LRRC4C: variants seen among roughly 807,000 people sequenced by gnomAD.
LRRC4C encodes leucine-rich repeat-containing protein 4C.
In LRRC4C, 5 loss-of-function variants were observed where a neutral mutation model predicts 33.6. That is an observed-to-expected ratio of 0.15 (90% CI 0.08 to 0.31). LRRC4C has a LOEUF of 0.31. Among genes scored for constraint, LRRC4C ranks in the 10% least tolerant of loss-of-function variants. LRRC4C has a pLI of 1.00. For synonymous variants in LRRC4C, 329 were observed against 302.0 expected (o/e 1.09, Z -0.93); for missense variants, 560 against 796.7 (o/e 0.70, Z 3.58).
At chr11:40,898,524 C>T (rs921560313) in intron 2 of LRRC4C, among the ~76,000 whole-genome samples, 6 of 151,754 alleles carry the variant, frequency 4.0e-5, no homozygotes, top group South Asian at 2.1e-4. Context: ...TCGCAAATGG[C>T]TCTAAATTCA....
At chr11:40,986,479 G>A (rs1272819032) in intron 1 of LRRC4C, among the ~76,000 whole-genome samples, 3 of 152,102 alleles carry the variant, frequency 2.0e-5, no homozygotes, top group African/African-American at 7.2e-5. Flanking sequence ...CACATCTGCA[G>A]TCTCAGCTAC....
At chr11:40,155,637 C>A (rs978449473) in intron 5 of LRRC4C, among the ~76,000 whole-genome samples, 6 of 151,980 alleles carry the variant, frequency 3.9e-5, no homozygotes, top group African/African-American at 1.2e-4. Context: ...AAAAGACAAC[C>A]CTCCTAGCTT....
chr11:41,089,485 T>C (rs1046757190), intron 1 of LRRC4C, among the ~76,000 whole-genome samples: 30 of 152,010 alleles, frequency 2.0e-4, no homozygotes, highest in Non-Finnish European at 1.3e-4. Context: ...AACTGAGGAA[T>C]TGACCATTAA....
At chr11:40,688,770 G>A (rs1350852567) in intron 2 of LRRC4C, among the ~76,000 whole-genome samples, 2 of 152,050 alleles carry the variant, frequency 1.3e-5, no homozygotes, top group African/African-American at 4.8e-5. Flanking sequence ...TTTGATTGGC[G>A]GGAGACCAAT....
At chr11:40,224,404 T>G (rs1864640380) in intron 5 of LRRC4C, among the ~76,000 whole-genome samples, 1 of 152,224 alleles carries the variant, frequency 6.6e-6, no homozygotes, top group African/African-American at 2.4e-5. Context: ...TTTGCCTGAC[T>G]TTTTCAGTGT....
intron 3 of LRRC4C, among the ~76,000 whole-genome samples, chr11:40,558,474 T>C (rs1227724466): frequency 6.6e-6 from 1 of 152,198 alleles, no homozygotes; most frequent in East Asian, 1.9e-4. Context: ...CTATTTTTCT[T>C]AATCCCAGAA....
chr11:40,413,892 C>T (rs993588134), intron 3 of LRRC4C, among the ~76,000 whole-genome samples: 3 of 152,034 alleles, frequency 2.0e-5, no homozygotes, highest in African/African-American at 7.2e-5. Context: ...GGCAGAACTA[C>T]TGACCAAAAT....
At chr11:40,160,071 G>A (rs1161480605) in intron 5 of LRRC4C, among the ~76,000 whole-genome samples, 1 of 152,178 alleles carries the variant, frequency 6.6e-6, no homozygotes, top group African/African-American at 2.4e-5. Flanking sequence ...ACAGTGGATA[G>A]TACACTGGAA....
chr11:40,641,267 A>G (rs548045046), intron 3 of LRRC4C, among the ~76,000 whole-genome samples: 61 of 152,260 alleles, frequency 4.0e-4, no homozygotes, highest in Non-Finnish European at 3.7e-4. Context: ...GAACCTATCA[A>G]AGTGAATTTC....
At position 40,309,515 on chromosome 11, in the gene LRRC4C, AT is replaced by A. The variant is rs72004575; in HGVS notation, c.-176+10112del. Among the ~76,000 whole-genome samples the A allele has an allele frequency of 2.6e-3, 375 of 145,960 alleles. 5 individuals carry two copies. Among genetic ancestry groups the A allele is most frequent in the African/African-American group, 6.4e-3 (255 of 39,782 alleles). On this transcript the variant is annotated intron_variant, in intron 4 of 6. Coordinates refer to ENST00000528697, the MANE Select transcript of LRRC4C (RefSeq NM_001258419.2). ...ACAGAGAAGAAAGGAGCAGAAGTGT[AT>A]TTTTTTTTTTTTTGAGACAGTATCT... is the stretch of plus-strand genomic sequence containing the variant.
intron 1 of LRRC4C, among the ~76,000 whole-genome samples, chr11:40,953,069 C>T (rs987882231): frequency 5.3e-5 from 8 of 151,856 alleles, no homozygotes; most frequent in Non-Finnish European, 8.8e-5. Flanking sequence ...AAGAGGTCCT[C>T]AGAAAACAAG....
intron 1 of LRRC4C, among the ~76,000 whole-genome samples, chr11:41,093,319 G>A (rs1565376699): frequency 6.6e-6 from 1 of 152,158 alleles, no homozygotes; most frequent in Non-Finnish European, 1.5e-5. Flanking sequence ...AACACCAAAA[G>A]GTAATACTTT....
At position 41,112,249 on chromosome 11, in the gene LRRC4C, C is replaced by T. The variant is rs1459159520; in HGVS notation, c.-495-178526G>A. On this transcript the variant is annotated intron_variant, in intron 1 of 6. Transcript: ENST00000528697. ...TCCTCACATCCTGACACTGATTGCTCAATGACAAAAACAAGTAAAACCTTT... is the reference window on the plus strand; with the variant it reads ...TCCTCACATCCTGACACTGATTGCTTAATGACAAAAACAAGTAAAACCTTT... Among the ~76,000 whole-genome samples, 8 of 152,024 alleles carry T rather than the reference C, an allele frequency of 5.3e-5. No individual in the cohort carries two copies. In the East Asian group the frequency reaches 9.7e-4, roughly 18 times the overall value.
chr11:41,267,637 G>A (rs1217259221), intron 1 of LRRC4C, among the ~76,000 whole-genome samples: 1 of 152,042 alleles, frequency 6.6e-6, no homozygotes, highest in Non-Finnish European at 1.5e-5. Flanking sequence ...CTTACACTGT[G>A]CCAATTTTTT....
At chr11:41,241,999 GT>G (rs1311168672) in intron 1 of LRRC4C, among the ~76,000 whole-genome samples, 4 of 151,880 alleles carry the variant, frequency 2.6e-5, no homozygotes, top group African/African-American at 7.3e-5. Context: ...CTTTGCTTAA[GT>G]TTTTTTTGTA....
intron 3 of LRRC4C, among the ~76,000 whole-genome samples, chr11:40,466,579 T>A (rs1476030109): frequency 1.3e-5 from 2 of 151,926 alleles, no homozygotes; most frequent in African/African-American, 4.8e-5. Flanking sequence ...ATAGGAATTT[T>A]TTTGTATTTA....
intron 3 of LRRC4C, among the ~76,000 whole-genome samples, chr11:40,465,134 A>G (rs1202578693): frequency 6.6e-6 from 1 of 152,068 alleles, no homozygotes; most frequent in Non-Finnish European, 1.5e-5. Context: ...GGAACAGAAT[A>G]GAGAATCCAG....
intron 5 of LRRC4C, among the ~76,000 whole-genome samples, chr11:40,213,016 A>G (rs1043329000): frequency 6.6e-6 from 1 of 152,190 alleles, no homozygotes; most frequent in Non-Finnish European, 1.5e-5. Context: ...AACATCTCAG[A>G]ACCATAATGC....
At chr11:40,189,952 C>G (rs1339992625) in intron 5 of LRRC4C, among the ~76,000 whole-genome samples, 1 of 152,138 alleles carries the variant, frequency 6.6e-6, no homozygotes, top group Non-Finnish European at 1.5e-5. Context: ...TTACTCAATA[C>G]AAACTTTTCA....
Sources: allele counts gnomAD v4.1 joint callset (sites outside exome capture counted in the v4.1 genomes callset), GRCh38; gene constraint gnomAD v4.1.1; transcripts MANE v1.5; gene names NCBI Gene and HGNC (gene_info 2026-07-23, HGNC 2026-07-21).